FKTN: variants seen among roughly 807,000 people sequenced by gnomAD.
FKTN encodes the protein ribitol-5-phosphate transferase FKTN.
FKTN carries 47 observed loss-of-function variants against 58.6 expected under a neutral mutation model. The ratio of observed to expected loss-of-function variants is 0.80; its 90% CI spans 0.63 to 1.02. The LOEUF is 1.02. Ranked by LOEUF, FKTN falls within the 50% of genes least tolerant of loss-of-function variation. The pLI is 0.00. For synonymous variants in FKTN, 178 were observed against 191.9 expected (o/e 0.93, Z 0.60); for missense variants, 516 against 537.3 (o/e 0.96, Z 0.39).
chr9:105,573,219 A>T (rs149536931), intron 1 of FKTN, among the ~76,000 whole-genome samples: 1 of 144,902 alleles, frequency 6.9e-6, no homozygotes, highest in Non-Finnish European at 1.5e-5. Context: ...AGCCTGAGTG[A>T]CAGAGGGAGA....
At chr9:105,580,247 G>A (rs548244219) in intron 3 of FKTN, among the ~76,000 whole-genome samples, 1 of 152,176 alleles carries the variant, frequency 6.6e-6, no homozygotes, top group Non-Finnish European at 1.5e-5. Flanking sequence ...AGTTGACGCA[G>A]TTTCTTCCTA....
At position 105,640,048 on chromosome 9, in the gene FKTN, A is replaced by T; in HGVS notation, c.*4784A>T. 6.5e-7 allele frequency: 1 copy of T among 1,533,442 alleles called. No individual in the cohort carries two copies. The highest frequency in any genetic ancestry group is 1.2e-5 in the South Asian group (1 of 84,008). The allele number at this position is 1,533,442 out of a possible 1,614,324, so 95.0% of individuals were successfully genotyped here. ...TATCATTGTTAATAAAGGAGAATTG[A>T]AAATACTCATTTCTACTTTCTGCCC... On this transcript the variant is annotated 3_prime_UTR_variant, in exon 11 of 11. Transcript: ENST00000357998.
chr9:105,558,894 T>G (rs1335142298), intron 1 of FKTN, among the ~76,000 whole-genome samples: 1 of 152,176 alleles, frequency 6.6e-6, no homozygotes, highest in Non-Finnish European at 1.5e-5. Context: ...AATAAGCATT[T>G]ATATTTTAGC....
intron 4 of FKTN, among the ~76,000 whole-genome samples, chr9:105,599,782 G>A (rs193288696): frequency 2.1e-4 from 32 of 152,250 alleles, no homozygotes; most frequent in Admixed American, 2.1e-3. Context: ...GGGATTACAG[G>A]CGTGAGAAGT....
At chr9:105,579,303 AG>A (rs1842396514) in intron 3 of FKTN, among the ~76,000 whole-genome samples, 1 of 152,032 alleles carries the variant, frequency 6.6e-6, no homozygotes, top group Admixed American at 6.5e-5. Context: ...GTGGGCATTT[AG>A]TGCTATAAAT....
At chr9:105,614,093 G>A (rs1830396552) in intron 7 of FKTN, among the ~76,000 whole-genome samples, 1 of 152,058 alleles carries the variant, frequency 6.6e-6, no homozygotes, top group Non-Finnish European at 1.5e-5. Flanking sequence ...CTGGACCCCA[G>A]TAGTCAGGAA....
chr9:105,603,895 TGA>T (rs1828363148), intron 5 of FKTN: 3 of 351,390 alleles, frequency 8.5e-6, no homozygotes, highest in Non-Finnish European at 1.6e-5. Flanking sequence ...CTCAAACTCC[TGA>T]GCTCAAGTGA....
At chr9:105,577,079 G>C (rs1172952416) in intron 3 of FKTN, among the ~76,000 whole-genome samples, 17 of 135,180 alleles carry the variant, frequency 1.3e-4, no homozygotes, top group Non-Finnish European at 2.5e-4. Context: ...CCCTTTGTCA[G>C]ATGAGTAGGT....
Position 105,639,908 on chromosome 9 carries a change from C to G in FKTN, c.*4644C>G. 1 of 1,431,340 alleles carries G rather than the reference C, an allele frequency of 7.0e-7. No individual in the cohort carries two copies. The highest frequency in any genetic ancestry group is 9.1e-7 in the Non-Finnish European group (1 of 1,098,202). The allele number at this position is 1,431,340 out of a possible 1,614,324, so 88.7% of individuals were successfully genotyped here. On this transcript the variant is annotated 3_prime_UTR_variant, in exon 11 of 11. Coordinates refer to ENST00000357998, the MANE Select transcript of FKTN (RefSeq NM_001079802.2). ...TTCTTTTTCAATATTCTAGCCTTTC[C>G]TAGATGTAAATCTTTACCTCCTTGT...
chr9:105,623,111 T>G (rs1044386422), intron 10 of FKTN: 1 of 152,116 alleles, frequency 6.6e-6, no homozygotes, highest in African/African-American at 2.4e-5. Flanking sequence ...GAATGTGAAG[T>G]TCTTAATTCA....
intron 10 of FKTN, among the ~76,000 whole-genome samples, chr9:105,620,711 C>G (rs186075633): frequency 6.6e-6 from 1 of 151,870 alleles, no homozygotes; most frequent in East Asian, 1.9e-4. Flanking sequence ...ACAAAAAGAG[C>G]TTTGAGGTGT....
At chr9:105,627,232 A>G (rs1314008976) in intron 10 of FKTN, among the ~76,000 whole-genome samples, 1 of 152,070 alleles carries the variant, frequency 6.6e-6, no homozygotes, top group Non-Finnish European at 1.5e-5. Context: ...TCGGCCTCCT[A>G]AAGTGATTGG....
At chr9:105,603,969 A>C (rs542615039) in intron 5 of FKTN, among the ~76,000 whole-genome samples, 49 of 152,234 alleles carry the variant, frequency 3.2e-4, no homozygotes, top group African/African-American at 9.6e-4. Flanking sequence ...TGCCCAACCT[A>C]TAAAGAGAGT....
intron 1 of FKTN, among the ~76,000 whole-genome samples, chr9:105,564,577 G>A (rs894356609): frequency 1.3e-5 from 2 of 152,170 alleles, no homozygotes; most frequent in East Asian, 1.9e-4. Flanking sequence ...ATGAAATGAA[G>A]CCAGAAGAGA....
chr9:105,567,134 G>C (rs1188199380), intron 1 of FKTN, among the ~76,000 whole-genome samples: 2 of 152,144 alleles, frequency 1.3e-5, no homozygotes, highest in Non-Finnish European at 2.9e-5. Flanking sequence ...ATTAGGTATT[G>C]ATGGGACGTA....
At chr9:105,565,424 C>G (rs62011216) in intron 1 of FKTN, among the ~76,000 whole-genome samples, 1 of 152,082 alleles carries the variant, frequency 6.6e-6, no homozygotes, top group African/African-American at 2.4e-5. Flanking sequence ...CAAAGACACA[C>G]ATAGGCTCAA....
chr9:105,574,648 T>C (rs1173098219), intron 2 of FKTN, among the ~76,000 whole-genome samples: 2 of 152,136 alleles, frequency 1.3e-5, no homozygotes, highest in Admixed American at 1.3e-4. Context: ...TGAGGTCTCA[T>C]ACCGGATTTA....
chr9:105,583,369 G>A (rs1395001436), intron 3 of FKTN, among the ~76,000 whole-genome samples: 3 of 152,090 alleles, frequency 2.0e-5, no homozygotes, highest in South Asian at 4.1e-4. Context: ...ATGAACCTGA[G>A]GAGTCTACCC....
chr9:105,628,951 C>T (rs1041019854), intron 10 of FKTN, among the ~76,000 whole-genome samples: 4 of 152,062 alleles, frequency 2.6e-5, no homozygotes, highest in Non-Finnish European at 5.9e-5. Flanking sequence ...GAACTTTGGA[C>T]GAGGGGTTGG....
Sources: allele counts gnomAD v4.1 joint callset (sites outside exome capture counted in the v4.1 genomes callset), GRCh38; gene constraint gnomAD v4.1.1; transcripts MANE v1.5; gene names NCBI Gene and HGNC (gene_info 2026-07-23, HGNC 2026-07-21).